Variants in ROR1 observed in about 807,000 individuals in gnomAD.
ROR1 encodes ROR family WNT receptor 1.
Under a neutral mutation model 78.8 loss-of-function variants are expected in ROR1, and 19 were observed. That is an observed-to-expected ratio of 0.24 (90% CI 0.17 to 0.35). The LOEUF is 0.35. Ranked by LOEUF, ROR1 falls within the 10% of genes least tolerant of loss-of-function variation. The pLI, the probability that ROR1 is intolerant of heterozygous loss-of-function variation, is 1.00. For synonymous variants in ROR1, 386 were observed against 433.6 expected (o/e 0.89, Z 1.36); for missense variants, 917 against 1,177.8 (o/e 0.78, Z 3.24).
rs759833994 is a variant in ROR1 at position 64,178,799 on chromosome 1, C to A, written c.2758C>A (p.Leu920Ile). 1.9e-6 allele frequency: 3 copies of A among 1,614,106 alleles called. No homozygotes were observed. In the Admixed American group the frequency reaches 5.0e-5, roughly 27 times the overall value. Residue 920 changes from leucine to isoleucine, a missense_variant, in exon 9 of 9, where the codon CTA (leucine) becomes ATA (isoleucine). Leu to Ile is a conservative substitution (Grantham distance 5). Transcript: ENST00000371079. This position sits in a 1 kb window ranked among gnomAD's most constrained non-coding sequence, Gnocchi z 4.3. ...YKIDSKQASL[L>I]GDANIHGHTE... is the part of the protein sequence containing the mutation. ...AATTGACTCAAAGCAAGCATCTTTA[C>A]TAGGAGACGCCAATATTCATGGACA...
chr1:63,994,775 A>G (rs1470530027), intron 1 of ROR1, among the ~76,000 whole-genome samples: 3 of 152,220 alleles, frequency 2.0e-5, no homozygotes, highest in African/African-American at 7.2e-5. Flanking sequence ...CATATGGGAA[A>G]AGTATACACC....
At chr1:64,003,269 A>T (rs1475954213) in intron 1 of ROR1, among the ~76,000 whole-genome samples, 1 of 152,014 alleles carries the variant, frequency 6.6e-6, no homozygotes, top group Non-Finnish European at 1.5e-5. Flanking sequence ...ATATATTATG[A>T]ATTTTTCTTC....
chr1:63,982,802 C>T (rs1219984976), intron 1 of ROR1, among the ~76,000 whole-genome samples: 2 of 151,966 alleles, frequency 1.3e-5, no homozygotes, highest in East Asian at 3.9e-4. Context: ...GTAATTTTAA[C>T]CAGTGGAGTA....
chr1:64,119,698 G>A (rs1648456824), intron 4 of ROR1, among the ~76,000 whole-genome samples: 1 of 151,222 alleles, frequency 6.6e-6, no homozygotes, highest in Non-Finnish European at 1.5e-5. Flanking sequence ...AATCTGAGCT[G>A]ACCTATATCC....
intron 1 of ROR1, among the ~76,000 whole-genome samples, chr1:63,968,548 A>G (rs551308087): frequency 1.1e-4 from 16 of 152,330 alleles, no homozygotes; most frequent in South Asian, 6.2e-4. Flanking sequence ...AAATATAGAC[A>G]ATCCTGGTAA....
At chr1:63,837,313 T>C (rs567177381) in intron 1 of ROR1, among the ~76,000 whole-genome samples, 1 of 152,320 alleles carries the variant, frequency 6.6e-6, no homozygotes, top group South Asian at 2.1e-4. Context: ...GTGTTATGGC[T>C]GGTGTTTTGA....
chr1:63,781,268 C>T lies in ROR1; in HGVS notation c.91+6760C>T, dbSNP rs530089096. 1.6e-4 allele frequency among the ~76,000 whole-genome samples: 24 copies of T among 152,264 alleles called. No individual in the cohort carries two copies. In the East Asian group the frequency reaches 4.4e-3, roughly 28 times the overall value. ...AGAAAAATTCTCACTTTTTTGAGCACCTGCTATATGCCAGGTATCATTTTT... is the reference window on the plus strand; with the variant it reads ...AGAAAAATTCTCACTTTTTTGAGCATCTGCTATATGCCAGGTATCATTTTT... On this transcript the variant is annotated intron_variant, in intron 1 of 8. Transcript: ENST00000371079.
intron 1 of ROR1, among the ~76,000 whole-genome samples, chr1:63,902,582 C>T (rs928307269): frequency 6.6e-6 from 1 of 152,148 alleles, no homozygotes; most frequent in Non-Finnish European, 1.5e-5. Flanking sequence ...CCTCAGCCCC[C>T]CAAAGTGCTG....
chr1:63,843,336 G>T, intron 1 of ROR1: 1 of 1,050,736 alleles, frequency 9.5e-7, no homozygotes, highest in Non-Finnish European at 1.5e-6. Context: ...CTTGGAGCTG[G>T]CATAGATCAT....
intron 1 of ROR1, among the ~76,000 whole-genome samples, chr1:63,905,508 A>G (rs1415168950): frequency 1.1e-4 from 16 of 152,224 alleles, no homozygotes. Flanking sequence ...GCAGATGGTA[A>G]TGAAACAAAG....
rs1650515858 is a variant in ROR1 at position 64,180,328 on chromosome 1, T to C, written c.*1473T>C. 1.3e-5 allele frequency: 2 copies of C among 152,228 alleles called. No homozygotes were observed. The allele number at this position is 152,228 out of a possible 1,614,324, so 9.4% of individuals were successfully genotyped here. ...AAGTCTCATTTTTACTTTAAAGGTA[T>C]AAGAGACTTCTAAAGAGACTTACGG... On this transcript the variant is annotated 3_prime_UTR_variant, in exon 9 of 9. Coordinates refer to ENST00000371079, the MANE Select transcript of ROR1 (RefSeq NM_005012.4).
chr1:63,960,546 A>G (rs1245345362), intron 1 of ROR1, among the ~76,000 whole-genome samples: 1 of 152,188 alleles, frequency 6.6e-6, no homozygotes, highest in Non-Finnish European at 1.5e-5. Flanking sequence ...AGCTCTGTTT[A>G]GCAGAAAGAT....
intron 1 of ROR1, among the ~76,000 whole-genome samples, chr1:63,822,051 C>T (rs145795271): frequency 2.1e-4 from 32 of 152,240 alleles, no homozygotes; most frequent in Admixed American, 5.2e-4. Context: ...GGAAGCTTGC[C>T]GTGATGAATC....
chr1:63,848,028 T>C (rs1419694193), intron 1 of ROR1, among the ~76,000 whole-genome samples: 3 of 152,150 alleles, frequency 2.0e-5, no homozygotes, highest in African/African-American at 7.2e-5. Flanking sequence ...TTTAAAACAA[T>C]AAAGGCCAAA....
At chr1:63,847,246 G>A (rs541113577) in intron 1 of ROR1, among the ~76,000 whole-genome samples, 1 of 152,254 alleles carries the variant, frequency 6.6e-6, no homozygotes, top group Non-Finnish European at 1.5e-5. Context: ...GACGGGACTT[G>A]GAGGAATTCT....
chr1:63,827,204 A>G (rs1429714525), intron 1 of ROR1, among the ~76,000 whole-genome samples: 2 of 152,006 alleles, frequency 1.3e-5, no homozygotes, highest in Non-Finnish European at 2.9e-5. Context: ...CTGGGTGCAT[A>G]GTTTGTGAAA....
At chr1:64,062,013 A>AT (rs1012997645) in intron 4 of ROR1, among the ~76,000 whole-genome samples, 1 of 152,106 alleles carries the variant, frequency 6.6e-6, no homozygotes, top group African/African-American at 2.4e-5. Flanking sequence ...AGTGTGAAAG[A>AT]TTTTTACAGG....
intron 1 of ROR1, among the ~76,000 whole-genome samples, chr1:64,006,346 C>T (rs1234564685): frequency 6.6e-6 from 1 of 152,118 alleles, no homozygotes; most frequent in Non-Finnish European, 1.5e-5. Context: ...GTTTGATGAG[C>T]CTTTTCATAG....
chr1:63,794,592 C>T (rs1401596297), intron 1 of ROR1, among the ~76,000 whole-genome samples: 3 of 152,144 alleles, frequency 2.0e-5, no homozygotes, highest in African/African-American at 4.8e-5. Context: ...GGCCAGAGGG[C>T]GGCTCTCCAG....
Sources: gnomAD v4.1 joint callset for allele counts (sites outside exome capture counted in the v4.1 genomes callset) on GRCh38, gnomAD v4.1.1 for gene constraint, Gnocchi (gnomAD v3.1) non-coding constraint, MANE v1.5 for transcripts, NCBI Gene and HGNC (gene_info 2026-07-23, HGNC 2026-07-21) for gene names.